Variants in SHQ1 observed in about 807,000 individuals in gnomAD.
SHQ1 encodes the protein SHQ1, H/ACA ribonucleoprotein assembly factor.
Under a neutral mutation model 53.8 loss-of-function variants are expected in SHQ1, and 49 were observed. The observed-to-expected ratio is 0.91, with a 90% CI of 0.72 to 1.16. The LOEUF is 1.16. Among genes scored for constraint, SHQ1 ranks in the 50% most tolerant of loss-of-function variants. The probability of loss-of-function intolerance (pLI) is 0.00; values close to 1 mark genes in which losing one functional copy is unlikely to be tolerated. For synonymous variants in SHQ1, 243 were observed against 251.0 expected, an observed-to-expected ratio of 0.97 and a Z score of 0.30; for missense variants, 738 against 683.1, an observed-to-expected ratio of 1.08 and a Z score of -0.90.
At chr3:72,833,471 T>C (rs895061305) in intron 4 of SHQ1, among the ~76,000 whole-genome samples, 28 of 66,956 alleles carry the variant, frequency 4.2e-4, no homozygotes, top group African/African-American at 1.2e-3. Flanking sequence ...GATAGATAGA[T>C]AGATAGATAG....
the SHQ1 span, among the ~76,000 whole-genome samples, chr3:72,725,545 G>A: frequency 2.0e-5 from 3 of 152,054 alleles, no homozygotes; most frequent in African/African-American, 4.8e-5. Flanking sequence ...GTTTCACTTC[G>A]TCCTGCTCAT....
intron 10 of SHQ1, among the ~76,000 whole-genome samples, chr3:72,760,585 C>T (rs186488314): frequency 1.1e-4 from 16 of 152,272 alleles, no homozygotes; most frequent in Non-Finnish European, 2.2e-4. Context: ...GGAAGAGTTG[C>T]TACAAGATAT....
At chr3:72,760,519 G>A (rs1295432060) in intron 10 of SHQ1, among the ~76,000 whole-genome samples, 1 of 152,152 alleles carries the variant, frequency 6.6e-6, no homozygotes, top group African/African-American at 2.4e-5. Flanking sequence ...CTTTATAAAC[G>A]TAGTTGACAT....
the SHQ1 span, among the ~76,000 whole-genome samples, chr3:72,726,107 AAAAG>A: frequency 6.6e-6 from 1 of 152,124 alleles, no homozygotes; most frequent in Admixed American, 6.6e-5. Context: ...GTCTCTACCA[AAAAG>A]AAATGTAGTA....
At chr3:72,751,476 A>ATGTGTGTGTGTGTG (rs372032784) in intron 10 of SHQ1, among the ~76,000 whole-genome samples, 38 of 109,614 alleles carry the variant, frequency 3.5e-4, no homozygotes, top group African/African-American at 1.7e-3. Context: ...ATAAGCACAT[A>ATGTGTGTGTGTGTG]TGTGTGTGTG....
At chr3:72,838,869 G>C (rs1403986975) in intron 4 of SHQ1, among the ~76,000 whole-genome samples, 1 of 151,120 alleles carries the variant, frequency 6.6e-6, no homozygotes, top group African/African-American at 2.4e-5. Context: ...ATTGGTTAAT[G>C]TTTAATGTTT....
chr3:72,814,922 T>C (rs1707261617), intron 8 of SHQ1, among the ~76,000 whole-genome samples: 1 of 152,148 alleles, frequency 6.6e-6, no homozygotes, highest in Non-Finnish European at 1.5e-5. Context: ...TGAGAATAGG[T>C]GAAGTTTTTT....
At chr3:72,819,352 T>C (rs1459496529) in intron 6 of SHQ1, among the ~76,000 whole-genome samples, 1 of 152,196 alleles carries the variant, frequency 6.6e-6, no homozygotes. Context: ...TAAACCCTAA[T>C]CATCTTTCCA....
chr3:72,817,569 A>T (rs2106876441), intron 6 of SHQ1, among the ~76,000 whole-genome samples, 185 bp from the exon 7 acceptor site: 1 of 152,350 alleles, frequency 6.6e-6, no homozygotes, highest in East Asian at 1.9e-4. Flanking sequence ...AGTCTGCTCA[A>T]ATTCTAATAG....
chr3:72,802,995 G>A (rs1177673152), intron 9 of SHQ1, among the ~76,000 whole-genome samples: 1 of 152,162 alleles, frequency 6.6e-6, no homozygotes, highest in Non-Finnish European at 1.5e-5. Context: ...GTATCAGGTT[G>A]AGACTCAGTC....
intron 2 of SHQ1, among the ~76,000 whole-genome samples, 173 bp from the exon 3 acceptor site, chr3:72,842,575 T>A (rs1276328881): frequency 1.3e-5 from 2 of 151,440 alleles, no homozygotes; most frequent in African/African-American, 4.9e-5. Context: ...CAGAAAATAA[T>A]AATAAAATCA....
chr3:72,745,279 C>T (rs1045974356), downstream of SHQ1, among the ~76,000 whole-genome samples: 1 of 152,120 alleles, frequency 6.6e-6, no homozygotes, highest in African/African-American at 2.4e-5. Flanking sequence ...GTGAAAACCG[C>T]TCCCCAGCTG....
At chr3:72,755,250 GGATGGATGGATGGATAGATGGATA>G (rs1448188680) in intron 10 of SHQ1, among the ~76,000 whole-genome samples, 6 of 150,220 alleles carry the variant, frequency 4.0e-5, no homozygotes, top group African/African-American at 1.5e-4. Context: ...GTTGATGGAT[GGATGGATGGATGGATAGATGGATA>G]GATGGATGGA....
chr3:72,795,017 T>G (rs981853030), intron 9 of SHQ1: 2 of 152,382 alleles, frequency 1.3e-5, no homozygotes, highest in East Asian at 3.9e-4. Context: ...GGCTACCCAC[T>G]GTGCCATGCT....
the SHQ1 span, among the ~76,000 whole-genome samples, chr3:72,725,481 C>G: frequency 4.6e-5 from 7 of 152,290 alleles, no homozygotes; most frequent in South Asian, 1.0e-3. Context: ...CTCATCTCCT[C>G]AGAGAGGCCT....
intron 5 of SHQ1, among the ~76,000 whole-genome samples, chr3:72,825,584 A>T (rs1707627374): frequency 6.6e-6 from 1 of 152,132 alleles, no homozygotes; most frequent in Non-Finnish European, 1.5e-5. Context: ...TTCAAAATAC[A>T]CCTCTCACTC....
chr3:72,846,352 T>G, intron 1 of SHQ1: 13 of 1,508,372 alleles, frequency 8.6e-6, no homozygotes, highest in Non-Finnish European at 1.1e-5. Flanking sequence ...TGGAGTGCGA[T>G]AGCGCAATCT....
chr3:72,812,030 A>T (rs775591096), intron 9 of SHQ1, among the ~76,000 whole-genome samples: 1 of 152,208 alleles, frequency 6.6e-6, no homozygotes, highest in African/African-American at 2.4e-5. Flanking sequence ...TCTAATGATG[A>T]TACTATGGGC....
chr3:72,729,459 C>T, the SHQ1 span, among the ~76,000 whole-genome samples: 34,814 of 152,058 alleles, frequency 0.23, 4,213 homozygotes, highest in Non-Finnish European at 0.25. Context: ...AGGAAACACA[C>T]GCCTATAGCC....
Sources: gnomAD v4.1 joint callset for allele counts (sites outside exome capture counted in the v4.1 genomes callset) on GRCh38, gnomAD v4.1.1 for gene constraint, MANE v1.5 for transcripts, NCBI Gene and HGNC (gene_info 2026-07-23, HGNC 2026-07-21) for gene names.